Variants in CCDC33 observed in about 807,000 individuals in gnomAD.
CCDC33 encodes the protein coiled-coil domain-containing protein 33.
A neutral mutation model predicts 91.9 loss-of-function variants in CCDC33; 94 were observed. The observed-to-expected ratio is 1.02, with a 90% CI of 0.87 to 1.21. The LOEUF is 1.21. Among genes scored for constraint, CCDC33 ranks in the 50% most tolerant of loss-of-function variants. CCDC33 has a pLI of 0.00. For missense variants in CCDC33, 940 were observed against 935.5 expected, an observed-to-expected ratio of 1.00 and a Z score of -0.06; for synonymous variants, 396 against 374.5, an observed-to-expected ratio of 1.06 and a Z score of -0.66.
At chr15:74,234,076 G>A (rs1041589399), upstream of CCDC33, among the ~76,000 whole-genome samples, 4 of 152,178 alleles carry the variant, frequency 2.6e-5, no homozygotes, top group Non-Finnish European at 4.4e-5. Context: ...GGCTGACTAT[G>A]AGCCACATCT....
chr15:74,251,658 G>C (rs1225249066), intron 2 of CCDC33, among the ~76,000 whole-genome samples: 1 of 152,150 alleles, frequency 6.6e-6, no homozygotes, highest in Non-Finnish European at 1.5e-5. Context: ...GGGCCAGCTA[G>C]AGTCATACTC....
At chr15:74,209,479 G>A (rs2074335770) in exon 2 of CCDC33, 4 of 1,531,130 alleles carry the variant, frequency 2.6e-6, no homozygotes, top group South Asian at 2.4e-5. Flanking sequence ...GCTGGGCTGA[G>A]GGCCCTGACC....
At chr15:74,307,415 C>A (rs2059911232) in intron 11 of CCDC33, among the ~76,000 whole-genome samples, 1 of 152,198 alleles carries the variant, frequency 6.6e-6, no homozygotes, top group Non-Finnish European at 1.5e-5. Context: ...CAATTATCAT[C>A]CCCACTTTGT....
In CCDC33 at chr15:74,308,235, A is replaced by T. The variant is rs189850914; in HGVS notation, c.1290+12287A>T. 2.0e-5 allele frequency among the ~76,000 whole-genome samples: 3 copies of T among 152,054 alleles called. No individual in the cohort carries two copies. The East Asian group carries it at 5.8e-4, about 29-fold the overall frequency. On this transcript the variant is annotated intron_variant, in intron 11 of 18. Transcript: ENST00000398814. ...CAGAACTGTCCCTCCCCCAACCCTC[A>T]CCACTAGCTTGGTGACTCTATCAGG...
At chr15:74,228,851 G>A (rs1241503545) in intron 2 of CCDC33, among the ~76,000 whole-genome samples, 3 of 152,198 alleles carry the variant, frequency 2.0e-5, no homozygotes, top group African/African-American at 7.2e-5. Flanking sequence ...CGATTTCATG[G>A]CCTCAAATGA....
intron 3 of CCDC33, among the ~76,000 whole-genome samples, chr15:74,264,422 A>G (rs1286152413): frequency 6.6e-6 from 1 of 152,192 alleles, no homozygotes; most frequent in Non-Finnish European, 1.5e-5. Flanking sequence ...GCATGGAGAC[A>G]GGAGCAGGGA....
chr15:74,264,008 G>C (rs535941132), intron 3 of CCDC33, among the ~76,000 whole-genome samples: 1 of 151,958 alleles, frequency 6.6e-6, no homozygotes, highest in Non-Finnish European at 1.5e-5. Context: ...GGGTAACAGA[G>C]GAAAAAATGT....
At chr15:74,217,109 C>T, upstream of CCDC33, 1 of 353,746 alleles carries the variant, frequency 2.8e-6, no homozygotes, top group Non-Finnish European at 4.8e-6. Flanking sequence ...TTCCCTGGGT[C>T]AGGCCCAGCT....
intron 11 of CCDC33, chr15:74,302,035 C>G (rs1399371634): frequency 6.6e-6 from 1 of 152,174 alleles, no homozygotes; most frequent in Non-Finnish European, 1.5e-5. Flanking sequence ...GTTTTTCCAA[C>G]CTCCTTACAC....
chr15:74,253,003 A>G (rs1211478298), intron 2 of CCDC33, among the ~76,000 whole-genome samples: 1 of 152,152 alleles, frequency 6.6e-6, no homozygotes, highest in East Asian at 1.9e-4. Context: ...ATGTTCTCCC[A>G]TCTCTGCCAC....
At chr15:74,238,653 A>G (rs997443276) in intron 1 of CCDC33, among the ~76,000 whole-genome samples, 6 of 151,680 alleles carry the variant, frequency 4.0e-5, no homozygotes, top group Non-Finnish European at 8.8e-5. Flanking sequence ...TTTAAAATGT[A>G]ATCAAACCTA....
Position 74,333,017 on chromosome 15 carries a change from A to G in CCDC33, c.1938+172A>G. On this transcript the variant is annotated intron_variant, in intron 16 of 18. Transcript: ENST00000398814. The stretch of plus-strand genomic sequence containing the variant: ...AGGCCTTGGTCTTTTTCTCCTGCGG[A>G]ATGTGTGTCCCCGAACACTTCACCT... 3.8e-6 allele frequency: 3 copies of G among 793,954 alleles called. No homozygotes were observed. In the Admixed American group the frequency reaches 8.5e-5, roughly 22 times the overall value. The allele number at this position is 793,954 out of a possible 1,614,324, so 49.2% of individuals were successfully genotyped here.
chr15:74,318,464 A>T, intron 11 of CCDC33: 2 of 561,048 alleles, frequency 3.6e-6, no homozygotes, highest in South Asian at 5.1e-5. Flanking sequence ...CCTGGAACAA[A>T]GGGGAAGTGG....
chr15:74,215,467 T>C (rs1206947366), upstream of CCDC33, among the ~76,000 whole-genome samples: 3 of 152,146 alleles, frequency 2.0e-5, no homozygotes, highest in African/African-American at 7.2e-5. Flanking sequence ...ACAATGTAAA[T>C]TTATTTAACA....
At chr15:74,215,808 T>G (rs1307800118), upstream of CCDC33, among the ~76,000 whole-genome samples, 5 of 147,750 alleles carry the variant, frequency 3.4e-5, no homozygotes, top group East Asian at 7.9e-4. Flanking sequence ...GAGGCAGAGG[T>G]TGCAGTGAGC....
intron 3 of CCDC33, among the ~76,000 whole-genome samples, chr15:74,264,583 G>A (rs139032137): frequency 3.5e-4 from 54 of 152,292 alleles, no homozygotes; most frequent in African/African-American, 1.1e-3. Context: ...GGTCCATGGC[G>A]AGTTGGCATA....
rs548363219 is a variant in CCDC33 at position 74,205,250 on chromosome 15, G to A, written n.89+2152G>A. Among the ~76,000 whole-genome samples, 15 of 152,312 alleles carry A rather than the reference G, an allele frequency of 9.8e-5. No homozygotes were observed. In the South Asian group the frequency reaches 2.9e-3, roughly 29 times the overall value. ...CTGTGTTCATCTGTTTCGCATTGCT[G>A]TGAAGGAAAACCTGACTCTGGGTAA... On this transcript the variant is annotated intron_variant and non_coding_transcript_variant, in intron 1 of 3. Coordinates refer to the CCDC33 transcript ENST00000558645.
intron 1 of CCDC33, among the ~76,000 whole-genome samples, chr15:74,203,915 G>T (rs1247410174): frequency 6.6e-6 from 1 of 152,106 alleles, no homozygotes; most frequent in Admixed American, 6.5e-5. Context: ...GGGGATGGGG[G>T]TGGGGGAAAG....
chr15:74,324,326 G>T (rs1490936563), intron 11 of CCDC33, among the ~76,000 whole-genome samples: 3 of 151,948 alleles, frequency 2.0e-5, no homozygotes, highest in Non-Finnish European at 1.5e-5. Context: ...GTATCCCGCT[G>T]TATGGGTCTC....
Sources: allele counts gnomAD v4.1 joint callset (sites outside exome capture counted in the v4.1 genomes callset), GRCh38; gene constraint gnomAD v4.1.1; transcripts MANE v1.5; gene names NCBI Gene and HGNC (gene_info 2026-07-23, HGNC 2026-07-21).